ANKRD17: variants seen among roughly 807,000 people sequenced by gnomAD.
The protein encoded by ANKRD17 is ankyrin repeat domain-containing protein 17.
Under a neutral mutation model 229.7 loss-of-function variants are expected in ANKRD17, and 19 were observed. The observed-to-expected ratio is 0.08, with a 90% CI of 0.06 to 0.12. ANKRD17 has a LOEUF of 0.12. ANKRD17 is among the 10% of genes least tolerant of loss of function. ANKRD17 has a pLI of 1.00. For synonymous variants in ANKRD17, 1,112 were observed against 1,146.1 expected (o/e 0.97, Z 0.60); for missense variants, 2,176 against 3,176.8 (o/e 0.68, Z 7.57).
In ANKRD17 at chr4:73,139,620, C is replaced by A; in HGVS notation, c.2996G>T (p.Gly999Val). ...VLGQAQLAGL[G>V]QGILTETQQG... ...TTGTGTTTCTGTCAGAATTCCTTGC[C>A]CCAGCCCTGCCAACTGTGCTTGGCC... The change falls in exon 15 of 34, where the codon GGG (glycine) becomes GTG (valine). Residue 999 changes from glycine (G) to valine (V), a missense_variant. Transcript: ENST00000358602. The A allele has an allele frequency of 6.2e-7, 1 of 1,614,084 alleles. No individual in the cohort carries two copies. Among genetic ancestry groups the A allele is most frequent in the South Asian group, 1.1e-5 (1 of 91,074 alleles).
chr4:73,194,552 T>C (rs1215359908), intron 1 of ANKRD17, among the ~76,000 whole-genome samples: 2 of 152,190 alleles, frequency 1.3e-5, no homozygotes, highest in African/African-American at 2.4e-5. Flanking sequence ...CTAAAAAGCT[T>C]GTAAATTAAA....
At chr4:73,215,794 C>T (rs1452849560) in intron 1 of ANKRD17, among the ~76,000 whole-genome samples, 2 of 152,202 alleles carry the variant, frequency 1.3e-5, no homozygotes, top group Non-Finnish European at 1.5e-5. Context: ...AGATTATCCA[C>T]AATTATCTGA....
chr4:73,077,531 T>C lies in ANKRD17; in HGVS notation c.7411A>G (p.Lys2471Glu). ...ATCCCAGGGTTACACCAGTCTACTT[T>C]GTCTGAGGGCAAACAAAGAGGCAAA... ...SFEGIGGNQD[K>E]VDWCNPGMGN... The change falls in exon 32 of 34, where the codon AAA becomes GAA. Residue 2471 changes from lysine to glutamate, a missense_variant and splice_region_variant. Physicochemically the swap from Lys to Glu is moderately conservative, Grantham distance 56. Coordinates refer to ENST00000358602, the MANE Select transcript of ANKRD17 (RefSeq NM_032217.5). The C allele has an allele frequency of 1.3e-6, 2 of 1,566,276 alleles. No homozygotes were observed. The highest frequency in any genetic ancestry group is 1.7e-6 in the Non-Finnish European group (2 of 1,159,714).
chr4:73,120,775 G>T, intron 20 of ANKRD17, 106 bp downstream of exon 20: 2 of 921,892 alleles, frequency 2.2e-6, no homozygotes, highest in Non-Finnish European at 3.2e-6. Flanking sequence ...ATACATAGGA[G>T]ATAAATGTTA....
chr4:73,154,017 T>C lies in ANKRD17; in HGVS notation c.1097A>G (p.Asn366Ser). 1 of 1,613,382 alleles carries C rather than the reference T, an allele frequency of 6.2e-7. No homozygotes were observed. Among genetic ancestry groups the C allele is most frequent in the South Asian group, 1.1e-5 (1 of 90,992 alleles). The change falls in exon 6 of 34, where the codon AAT becomes AGT. Residue 366 changes from asparagine to serine, a missense_variant. Transcript: ENST00000358602. ...AGCTTCCATAAGAGGGGTATGACCA[T>C]TTTCATTATGGTCCTCAATACTAGC... ...SGASIEDHNE[N>S]GHTPLMEAGS...
chr4:73,180,264 G>A (rs1424271882), intron 1 of ANKRD17, among the ~76,000 whole-genome samples: 1 of 152,042 alleles, frequency 6.6e-6, no homozygotes, highest in East Asian at 1.9e-4. Context: ...TATAAAAGAA[G>A]AGAAAGAAGG....
intron 24 of ANKRD17, among the ~76,000 whole-genome samples, chr4:73,111,027 T>C (rs1725250999): frequency 6.6e-6 from 1 of 152,172 alleles, no homozygotes; most frequent in Non-Finnish European, 1.5e-5. Flanking sequence ...CTAATGGTAC[T>C]AGGAAAGTAT....
intron 1 of ANKRD17, among the ~76,000 whole-genome samples, chr4:73,196,302 T>C (rs564117808): frequency 6.6e-6 from 1 of 152,248 alleles, no homozygotes; most frequent in African/African-American, 2.4e-5. Context: ...CTGGCCTTAG[T>C]TTCTGTTGCT....
rs1722849892 is a variant in ANKRD17 at position 73,092,102 on chromosome 4, C to T, written c.5526G>A (p.Leu1842=). 6.2e-7 allele frequency: 1 copy of T among 1,614,160 alleles called. No individual in the cohort carries two copies. The highest frequency in any genetic ancestry group is 8.5e-7 in the Non-Finnish European group (1 of 1,180,018). Reference sequence around the variant, plus strand: ...CTGTGGCAGTTTGAGATGTTGATGACAGAGCTACAGTTGTCATTTTAATTC... The same window carrying T: ...CTGTGGCAGTTTGAGATGTTGATGATAGAGCTACAGTTGTCATTTTAATTC... ...LMGIKMTTVA[L]SSTSQTATAL... is the part of the protein sequence containing the mutation. The change falls in exon 29 of 34, where the codon CTG becomes CTA. Residue 1842 remains leucine, a synonymous_variant. Transcript: ENST00000358602.
Position 73,221,815 on chromosome 4 carries a change from G to A in ANKRD17, c.393+36461C>T, listed in dbSNP as rs528253390. ...AGAGCACATTGGCAGGTGTCTGCAA[G>A]GAGGTAGGTAATAAATGGAATCAGT... On this transcript the variant is annotated intron_variant, in intron 1 of 33. Coordinates refer to ENST00000358602, the MANE Select transcript of ANKRD17 (RefSeq NM_032217.5). Among the ~76,000 whole-genome samples the A allele has an allele frequency of 3.3e-5, 5 of 152,316 alleles. No individual in the cohort carries two copies. In the South Asian group the frequency reaches 1.0e-3, roughly 32 times the overall value.
chr4:73,084,305 G>A (rs1721880969), intron 30 of ANKRD17, among the ~76,000 whole-genome samples: 1 of 152,088 alleles, frequency 6.6e-6, no homozygotes, highest in South Asian at 2.1e-4. Flanking sequence ...TTGAGCCATT[G>A]CACTACAGCC....
intron 1 of ANKRD17, among the ~76,000 whole-genome samples, chr4:73,227,548 T>G (rs1016534371): frequency 7.2e-5 from 11 of 152,132 alleles, no homozygotes; most frequent in Non-Finnish European, 1.5e-4. Flanking sequence ...AACAGAAGTA[T>G]TAAAGTGTAA....
rs144499659 is a variant in ANKRD17, at chr4:73,244,489, C to T, written c.393+13787G>A. Among the ~76,000 whole-genome samples the T allele has an allele frequency of 7.8e-3, 1,184 of 152,250 alleles. 18 individuals carry two copies. The highest frequency in any genetic ancestry group is 0.026 in the African/African-American group (1,084 of 41,554). On this transcript the variant is annotated intron_variant, in intron 1 of 33. Transcript: ENST00000358602. ...AAAATTTAACTCAAATCCTTAGATG[C>T]GCTAGCCACATTTCAAGAGCTCAGC...
chr4:73,111,853 C>T (rs1725361629), intron 24 of ANKRD17, among the ~76,000 whole-genome samples: 1 of 152,102 alleles, frequency 6.6e-6, no homozygotes. Context: ...TATTGAGTGC[C>T]TACTATATGC....
At position 73,154,107 on chromosome 4, in the gene ANKRD17, G is replaced by A; in HGVS notation, c.1007C>T (p.Thr336Ile). The A allele has an allele frequency of 6.4e-7, 1 of 1,553,364 alleles. No homozygotes were observed. Among genetic ancestry groups the A allele is most frequent in the Non-Finnish European group, 8.7e-7 (1 of 1,154,516 alleles). ...DVNAQSSTGNTALTYACAGGY... is the reference protein window; with the variant it reads ...DVNAQSSTGNIALTYACAGGY... ...TCCAGCACAAGCATATGTAAGTGCTGTATTGCCTATTTTAATTAGGAAAAA... is the reference window on the plus strand; with the variant it reads ...TCCAGCACAAGCATATGTAAGTGCTATATTGCCTATTTTAATTAGGAAAAA... The change falls in exon 6 of 34, where the codon ACA becomes ATA. Residue 336 changes from threonine (T) to isoleucine (I), a missense_variant. By Grantham distance (89) the Thr-to-Ile change is moderately conservative (BLOSUM62 -1). Transcript: ENST00000358602.
chr4:73,232,391 T>C (rs556283083), intron 1 of ANKRD17, among the ~76,000 whole-genome samples: 18 of 152,272 alleles, frequency 1.2e-4, no homozygotes, highest in Middle Eastern at 3.4e-3. Context: ...TGGAAGGAAG[T>C]AGGCCTCAGA....
intron 1 of ANKRD17, among the ~76,000 whole-genome samples, chr4:73,215,069 C>G (rs927328328): frequency 2.6e-5 from 4 of 152,006 alleles, no homozygotes; most frequent in Non-Finnish European, 5.9e-5. Flanking sequence ...TAATTATTCA[C>G]TAATTTGGCA....
chr4:73,243,432 A>G (rs1053191513), intron 1 of ANKRD17, among the ~76,000 whole-genome samples: 3 of 152,166 alleles, frequency 2.0e-5, no homozygotes, highest in South Asian at 4.1e-4. Context: ...GAAAAATTCA[A>G]GACATATTTT....
intron 1 of ANKRD17, among the ~76,000 whole-genome samples, chr4:73,224,410 C>G (rs1479884811): frequency 6.6e-6 from 1 of 152,020 alleles, no homozygotes; most frequent in African/African-American, 2.4e-5. Context: ...AATATTCATT[C>G]AACTTGAAAT....
Sources: allele counts gnomAD v4.1 joint callset (sites outside exome capture counted in the v4.1 genomes callset), GRCh38; gene constraint gnomAD v4.1.1; transcripts MANE v1.5; gene names NCBI Gene and HGNC (gene_info 2026-07-23, HGNC 2026-07-21).